Variants in ADAMTSL1 observed in about 807,000 individuals in gnomAD.
The protein encoded by ADAMTSL1 is ADAMTS-like protein 1.
A neutral mutation model predicts 201.8 loss-of-function variants in ADAMTSL1; 126 were observed. That is an observed-to-expected ratio of 0.62 (90% confidence interval 0.54 to 0.72). The LOEUF is 0.72. ADAMTSL1 is among the 30% of genes least tolerant of loss of function. The probability of loss-of-function intolerance (pLI) is 0.00; values close to 1 mark genes in which losing one functional copy is unlikely to be tolerated. For synonymous variants in ADAMTSL1, 1,121 were observed against 903.4 expected (o/e 1.24, Z -4.32); for missense variants, 2,679 against 2,277.8 (o/e 1.18, Z -3.59).
At chr9:18,841,500 CT>C (rs1563847995) in intron 23 of ADAMTSL1, among the ~76,000 whole-genome samples, 2 of 151,884 alleles carry the variant, frequency 1.3e-5, no homozygotes, top group East Asian at 3.9e-4. Flanking sequence ...AAAATTCTCT[CT>C]TTTGGTTGTG....
intron 1 of ADAMTSL1, among the ~76,000 whole-genome samples, chr9:18,035,563 A>G (rs1026591133): frequency 1.3e-5 from 2 of 152,056 alleles, no homozygotes; most frequent in Admixed American, 1.3e-4. Context: ...TGTTCAGATG[A>G]TCCCCTTCTC....
chr9:18,679,832 T>TA (rs5896797), intron 10 of ADAMTSL1, among the ~76,000 whole-genome samples: 92,469 of 151,750 alleles, frequency 0.61, 28,478 homozygotes, highest in African/African-American at 0.66. Context: ...CTTCTTCTAT[T>TA]AAAAAAAATA....
At chr9:18,578,627 G>A (rs901208109) in intron 4 of ADAMTSL1, among the ~76,000 whole-genome samples, 1 of 152,184 alleles carries the variant, frequency 6.6e-6, no homozygotes, top group Non-Finnish European at 1.5e-5. Context: ...GTAAAAATAG[G>A]ATTAGAAGGA....
intron 2 of ADAMTSL1, among the ~76,000 whole-genome samples, chr9:18,227,176 C>A (rs1830460221): frequency 6.6e-6 from 1 of 152,134 alleles, no homozygotes. Flanking sequence ...CTCAATTCTC[C>A]TCTAATCCCT....
chr9:17,928,960 T>C (rs1388320789), intron 1 of ADAMTSL1, among the ~76,000 whole-genome samples: 3 of 152,078 alleles, frequency 2.0e-5, no homozygotes, highest in Non-Finnish European at 2.9e-5. Flanking sequence ...ATTACACGAC[T>C]ATGGACAAAA....
At chr9:18,861,958 C>T (rs1425860417) in intron 23 of ADAMTSL1, among the ~76,000 whole-genome samples, 1 of 152,124 alleles carries the variant, frequency 6.6e-6, no homozygotes, top group Admixed American at 6.5e-5. Flanking sequence ...TCTGGAGCCT[C>T]AAGACCCAGG....
At chr9:18,199,762 G>C (rs150406971) in intron 2 of ADAMTSL1, among the ~76,000 whole-genome samples, 161 of 152,106 alleles carry the variant, frequency 1.1e-3, no homozygotes, top group African/African-American at 3.7e-3. Flanking sequence ...AAGGTAGTTT[G>C]GTACAGGATG....
At chr9:18,139,799 T>G (rs1826320741) in intron 1 of ADAMTSL1, among the ~76,000 whole-genome samples, 1 of 152,154 alleles carries the variant, frequency 6.6e-6, no homozygotes, top group Non-Finnish European at 1.5e-5. Flanking sequence ...GAATTTTACA[T>G]TAGAAAATTT....
intron 1 of ADAMTSL1, among the ~76,000 whole-genome samples, chr9:18,010,657 T>C (rs1190385147): frequency 6.6e-6 from 1 of 151,844 alleles, no homozygotes; most frequent in Non-Finnish European, 1.5e-5. Flanking sequence ...GCCCAGACAA[T>C]GGACACAACC....
At chr9:18,721,147 T>C (rs1833335616) in intron 14 of ADAMTSL1, among the ~76,000 whole-genome samples, 2 of 152,188 alleles carry the variant, frequency 1.3e-5, no homozygotes, top group African/African-American at 4.8e-5. Context: ...TCCTTTCAAT[T>C]AAAATATAAG....
chr9:18,390,221 G>A lies in ADAMTSL1; in HGVS notation c.208-114608G>A, dbSNP rs144733044. ...CTTACGAGATTCGTAGTGTCCATAA[G>A]ATTAAAAAAAAATTGCTTGAGAAAA... On this transcript the variant is annotated intron_variant, in intron 2 of 29. Coordinates refer to the ADAMTSL1 transcript ENST00000680146. 5.0e-3 allele frequency among the ~76,000 whole-genome samples: 761 copies of A among 152,102 alleles called. 4 individuals carry two copies. The highest frequency in any genetic ancestry group is 7.9e-3 in the Admixed American group (121 of 15,258).
chr9:18,183,397 ACTT>A (rs1323905555), intron 2 of ADAMTSL1, among the ~76,000 whole-genome samples: 13 of 152,196 alleles, frequency 8.5e-5, no homozygotes, highest in Non-Finnish European at 1.6e-4. Flanking sequence ...ATAACTAAAA[ACTT>A]CTTCTTTGTA....
chr9:18,317,177 G>GA (rs1352642591), intron 2 of ADAMTSL1, among the ~76,000 whole-genome samples: 7 of 152,042 alleles, frequency 4.6e-5, no homozygotes, highest in Non-Finnish European at 1.0e-4. Flanking sequence ...TGGAATCTAG[G>GA]AAAAAAGTTA....
intron 2 of ADAMTSL1, among the ~76,000 whole-genome samples, chr9:18,367,319 G>A (rs928158350): frequency 5.9e-5 from 9 of 151,616 alleles, no homozygotes; most frequent in South Asian, 4.2e-4. Context: ...TAAGAATTTA[G>A]TTACTGGAAT....
At chr9:18,725,893 A>C (rs1817858787) in intron 15 of ADAMTSL1, among the ~76,000 whole-genome samples, 1 of 152,118 alleles carries the variant, frequency 6.6e-6, no homozygotes, top group African/African-American at 2.4e-5. Flanking sequence ...TATTGTTGGG[A>C]AATTTGATTT....
At chr9:18,248,339 G>T (rs1328339418) in intron 2 of ADAMTSL1, among the ~76,000 whole-genome samples, 1 of 152,072 alleles carries the variant, frequency 6.6e-6, no homozygotes, top group Admixed American at 6.5e-5. Flanking sequence ...TGGATTACGC[G>T]GTATGTAAAA....
intron 2 of ADAMTSL1, among the ~76,000 whole-genome samples, chr9:18,512,477 C>T (rs1818094426): frequency 6.6e-6 from 1 of 151,794 alleles, no homozygotes; most frequent in Non-Finnish European, 1.5e-5. Context: ...TTCAGTAGCC[C>T]TTCTAAAGTT....
At chr9:18,452,026 T>C (rs1244263923) in intron 2 of ADAMTSL1, among the ~76,000 whole-genome samples, 1 of 152,138 alleles carries the variant, frequency 6.6e-6, no homozygotes, top group African/African-American at 2.4e-5. Flanking sequence ...TTCTCCTCCT[T>C]CCTCAGCCTC....
chr9:18,191,860 C>T (rs79658042), intron 2 of ADAMTSL1, among the ~76,000 whole-genome samples: 2,028 of 152,192 alleles, frequency 0.013, 66 homozygotes, highest in African/African-American at 0.047. Flanking sequence ...TACAATACAA[C>T]ACTTGAAGGG....
Sources: allele counts gnomAD v4.1 joint callset (sites outside exome capture counted in the v4.1 genomes callset), GRCh38; gene constraint gnomAD v4.1.1; transcripts MANE v1.5; gene names NCBI Gene and HGNC (gene_info 2026-07-23, HGNC 2026-07-21).